Variants in NMT1 observed in about 807,000 individuals in gnomAD.
NMT1 encodes the protein N-myristoyltransferase 1, also known as glycylpeptide N-tetradecanoyltransferase 1.
A neutral mutation model predicts 63.4 loss-of-function variants in NMT1; 12 were observed. The ratio of observed to expected loss-of-function variants is 0.19; its 90% CI spans 0.12 to 0.31. NMT1 has a LOEUF of 0.31. Among genes scored for constraint, NMT1 ranks in the 10% least tolerant of loss-of-function variants. NMT1 has a pLI of 1.00. For synonymous variants in NMT1, 228 were observed against 234.3 expected (o/e 0.97, Z 0.25); for missense variants, 432 against 634.6 (o/e 0.68, Z 3.43).
At chr17:45,062,395 A>G (rs2053870051) in intron 1 of NMT1, among the ~76,000 whole-genome samples, 2 of 152,320 alleles carry the variant, frequency 1.3e-5, no homozygotes, top group East Asian at 1.9e-4. Flanking sequence ...ATATATTTTT[A>G]AACTGAAAGT....
rs934200772 is a variant in NMT1 at position 45,104,537 on chromosome 17, G to A, written c.1333-322G>A. 8.7e-7 allele frequency: 1 copy of A among 1,150,284 alleles called. No individual in the cohort carries two copies. The highest frequency in any genetic ancestry group is 1.1e-6 in the Non-Finnish European group (1 of 930,474). The allele number at this position is 1,150,284 out of a possible 1,614,324, so 71.3% of individuals were successfully genotyped here. A position where few individuals can be genotyped will look rare whatever the true frequency, so the allele number is the denominator to read the frequency against. ...AGCTTCTCAGAGGAATGGGCTCAGG[G>A]TTTGGACTCCAGAGAGGACTGTGGA... On this transcript the variant is annotated intron_variant, in intron 10 of 11. Coordinates refer to ENST00000258960, the MANE Select transcript of NMT1 (RefSeq NM_021079.5). The surrounding 1 kb of genome is among the most constrained non-coding windows in gnomAD (Gnocchi z 4.2).
intron 3 of NMT1, among the ~76,000 whole-genome samples, chr17:45,091,237 C>CACACACACACACACGT (rs1555606665): frequency 4.7e-5 from 7 of 148,322 alleles, no homozygotes; most frequent in African/African-American, 1.3e-4. Context: ...CACACACACA[C>CACACACACACACACGT]GTCCCATAGC....
chr17:45,103,778 A>G lies in NMT1; in HGVS notation c.1234A>G (p.Thr412Ala). 1 of 1,614,038 alleles carries G rather than the reference A, an allele frequency of 6.2e-7. No individual in the cohort carries two copies. The highest frequency in any genetic ancestry group is 8.5e-7 in the Non-Finnish European group (1 of 1,179,996). Residue 412 changes from threonine to alanine, a missense_variant, in exon 10 of 12, where the codon ACC becomes GCC. Transcript: ENST00000258960. This position sits in a 1 kb window ranked among gnomAD's most constrained non-coding sequence, Gnocchi z 4.8. ...GCCCTCCACCATCATGAACCATCCA[A>G]CCCACAAGAGTCTCAAAGCTGCTTA... ...TLPSTIMNHPTHKSLKAAYSF... is the reference protein window; with the variant it reads ...TLPSTIMNHPAHKSLKAAYSF...
At chr17:45,098,931 A>G (rs1416905161) in intron 7 of NMT1, 1 of 242,420 alleles carries the variant, frequency 4.1e-6, no homozygotes, top group East Asian at 8.8e-5. Context: ...GTGTGCACCA[A>G]ATAGAGCAAG....
intron 3 of NMT1, among the ~76,000 whole-genome samples, chr17:45,088,143 A>G (rs1224898964): frequency 6.6e-6 from 1 of 152,132 alleles, no homozygotes; most frequent in Non-Finnish European, 1.5e-5. Flanking sequence ...AGGGGTGCTG[A>G]TTCCCCCATC....
intron 3 of NMT1, among the ~76,000 whole-genome samples, chr17:45,090,111 C>A: frequency 6.6e-6 from 1 of 151,938 alleles, no homozygotes; most frequent in African/African-American, 2.4e-5. Context: ...GGAAAGACCT[C>A]GTCTCTACAA....
In NMT1 at chr17:45,103,127, T is replaced by G; in HGVS notation, c.1164+6T>G. 6.2e-7 allele frequency: 1 copy of G among 1,603,002 alleles called. No homozygotes were observed. The highest frequency in any genetic ancestry group is 8.5e-7 in the Non-Finnish European group (1 of 1,171,190). On this transcript the variant is annotated splice_donor_region_variant and intron_variant, in intron 9 of 11. Coordinates refer to ENST00000258960, the MANE Select transcript of NMT1 (RefSeq NM_021079.5). The surrounding 1 kb of genome is among the most constrained non-coding windows in gnomAD (Gnocchi z 4.8). ...TCGACACTTTCGTGGTGGAGGTGAG[T>G]CAGGGAGTGGTGTTCCAGGTCTCTA...
At chr17:45,086,372 G>T in intron 2 of NMT1, 136 bp from the exon 3 acceptor site, 2 of 813,448 alleles carry the variant, frequency 2.5e-6, no homozygotes, top group Non-Finnish European at 3.6e-6. Context: ...TGATCTGCCC[G>T]CCTTGGCCTC....
chr17:45,090,881 G>T (rs1159820188), intron 3 of NMT1, among the ~76,000 whole-genome samples: 1 of 151,982 alleles, frequency 6.6e-6, no homozygotes, highest in African/African-American at 2.4e-5. Flanking sequence ...TTCCACCCCT[G>T]CTCAGCAGGA....
intron 5 of NMT1, 69 bp downstream of exon 5, chr17:45,096,354 G>C (rs562706903): frequency 7.8e-7 from 1 of 1,288,126 alleles, no homozygotes; most frequent in East Asian, 2.3e-5. Context: ...GAGGGCACCA[G>C]AGTTTTCATC....
intron 4 of NMT1, among the ~76,000 whole-genome samples, chr17:45,095,354 C>T (rs1191151511): frequency 5.9e-5 from 9 of 152,082 alleles, no homozygotes; most frequent in Non-Finnish European, 1.0e-4. Flanking sequence ...GTGATCCGCC[C>T]ACCTCAGCCT....
At chr17:45,099,721 G>A (rs999577144) in intron 8 of NMT1, 1 of 561,882 alleles carries the variant, frequency 1.8e-6, no homozygotes, top group Non-Finnish European at 3.2e-6. Flanking sequence ...GTTCCTCTGA[G>A]TCTGTGCCTG....
rs5820559 is a variant in NMT1, at chr17:45,074,217, C to CTTT, written c.132-7414_132-7412dup. On this transcript the variant is annotated intron_variant, in intron 1 of 11. Transcript: ENST00000258960. ...CATTTTGGTCTTCATTAAAAGATGACTTTTTTTTTTTTTTTGAGACAGAGT... is the reference window on the plus strand; with the variant it reads ...CATTTTGGTCTTCATTAAAAGATGACTTTTTTTTTTTTTTTTTTGAGACAGAGT... Among the ~76,000 whole-genome samples the CTTT allele has an allele frequency of 5.0e-3, 700 of 140,276 alleles. 18 individuals are homozygous for CTTT. Among genetic ancestry groups the CTTT allele is most frequent in the Admixed American group, 0.026 (359 of 13,770 alleles). 92.0% of individuals were successfully genotyped at this position (140,276 alleles called of 152,430 possible).
chr17:45,087,885 G>C (rs551138793), intron 3 of NMT1, among the ~76,000 whole-genome samples: 1 of 152,288 alleles, frequency 6.6e-6, no homozygotes, highest in East Asian at 1.9e-4. Context: ...GTTGGGAGCA[G>C]CTAATCCATG....
chr17:45,104,685 G>T lies in NMT1; in HGVS notation c.1333-174G>T. On this transcript the variant is annotated intron_variant, in intron 10 of 11. Transcript: ENST00000258960. This position sits in a 1 kb window ranked among gnomAD's most constrained non-coding sequence, Gnocchi z 4.2. ...GGCCAGGCTGGAGGGGGCGCTCAGA[G>T]TGTCCTGAGAACCACCCGGAGAGCG... The T allele has an allele frequency of 7.0e-7, 1 of 1,437,352 alleles. No homozygotes were observed. Among genetic ancestry groups the T allele is most frequent in the Admixed American group, 2.7e-5 (1 of 36,518 alleles). The allele number at this position is 1,437,352 out of a possible 1,614,324, so 89.0% of individuals were successfully genotyped here.
chr17:45,069,119 CCTAA>C (rs1313600602), intron 1 of NMT1, among the ~76,000 whole-genome samples: 3 of 151,650 alleles, frequency 2.0e-5, no homozygotes, highest in African/African-American at 7.3e-5. Flanking sequence ...TGCCACTGTG[CCTAA>C]CTAACTTTTG....
chr17:45,062,479 A>G (rs960266305), intron 1 of NMT1, among the ~76,000 whole-genome samples: 1 of 152,230 alleles, frequency 6.6e-6, no homozygotes, highest in Non-Finnish European at 1.5e-5. Context: ...TGTTATTCGC[A>G]GTATTGGTGG....
intron 3 of NMT1, 149 bp from the exon 4 acceptor site, chr17:45,093,536 A>G (rs1343524950): frequency 1.6e-6 from 1 of 614,860 alleles, no homozygotes; most frequent in African/African-American, 1.9e-5. Context: ...GTAGCTGGAA[A>G]GACGGTTTGC....
intron 1 of NMT1, among the ~76,000 whole-genome samples, chr17:45,066,286 C>G (rs1320761650): frequency 1.3e-5 from 2 of 151,928 alleles, no homozygotes; most frequent in African/African-American, 4.8e-5. Context: ...AACTCCTGAG[C>G]TCAGGCAATC....
Sources: gnomAD v4.1 joint callset for allele counts (sites outside exome capture counted in the v4.1 genomes callset) on GRCh38, gnomAD v4.1.1 for gene constraint, Gnocchi (gnomAD v3.1) non-coding constraint, MANE v1.5 for transcripts, NCBI Gene and HGNC (gene_info 2026-07-23, HGNC 2026-07-21) for gene names.